The following VTCN1 variants were observed in gnomAD, a reference collection of about 807,000 sequenced individuals.
VTCN1 encodes V-set domain-containing T-cell activation inhibitor 1.
In VTCN1, 26 loss-of-function variants were observed where a neutral mutation model predicts 26.5. The observed-to-expected ratio is 0.98, with a 90% CI of 0.72 to 1.36. VTCN1 has a LOEUF of 1.36. Ranked by LOEUF, VTCN1 falls within the 40% of genes most tolerant of loss-of-function variation. The pLI is 0.00. For synonymous variants in VTCN1, 116 were observed against 130.7 expected (o/e 0.89, Z 0.77); for missense variants, 298 against 337.7 (o/e 0.88, Z 0.92).
chr1:117,203,824 C>T, intron 1 of VTCN1: 1 of 977,476 alleles, frequency 1.0e-6, no homozygotes, highest in African/African-American at 1.7e-5. Context: ...CTTGTTACGC[C>T]ACAGATTACC....
intron 1 of VTCN1, among the ~76,000 whole-genome samples, chr1:117,184,707 T>C (rs1345618857): frequency 6.6e-6 from 1 of 152,166 alleles, no homozygotes; most frequent in East Asian, 1.9e-4. Flanking sequence ...GTTGGGAGGA[T>C]AGTGCCTGGC....
intron 1 of VTCN1, among the ~76,000 whole-genome samples, chr1:117,208,764 A>G (rs1382828245): frequency 6.6e-6 from 1 of 152,190 alleles, no homozygotes; most frequent in Non-Finnish European, 1.5e-5. Context: ...GCACATCAGC[A>G]TTCCATCCCT....
chr1:117,191,419 C>A (rs1348755546), intron 1 of VTCN1, among the ~76,000 whole-genome samples: 1 of 152,110 alleles, frequency 6.6e-6, no homozygotes, highest in African/African-American at 2.4e-5. Context: ...TTTCGGAGGC[C>A]AAGGTGGGAG....
At position 117,147,605 on chromosome 1, in the gene VTCN1, A is replaced by G. The variant is rs983464217; in HGVS notation, c.*45+8T>C. The G allele has an allele frequency of 2.5e-6, 4 of 1,602,184 alleles. No homozygotes were observed. The African/African-American group carries it at 5.4e-5, about 22-fold the overall frequency. ...CCAATATCCCACACTATTTGTGATT[A>G]ATCTCACCTGTTGTAACAATGACTT... is the stretch of plus-strand genomic sequence containing the variant. On this transcript the variant is annotated splice_region_variant and intron_variant, in intron 5 of 5. Coordinates refer to ENST00000369458, the MANE Select transcript of VTCN1 (RefSeq NM_024626.4). The surrounding 1 kb of genome is among the most constrained non-coding windows in gnomAD (Gnocchi z 4.6).
intron 2 of VTCN1, among the ~76,000 whole-genome samples, chr1:117,168,013 C>A (rs58756554): frequency 0.022 from 3,311 of 151,178 alleles, 119 homozygotes; most frequent in African/African-American, 0.076. Flanking sequence ...AGAAAAAAAA[C>A]CGAAATTATG....
chr1:117,150,392 A>G (rs545208988), intron 4 of VTCN1, among the ~76,000 whole-genome samples: 3 of 152,324 alleles, frequency 2.0e-5, no homozygotes. Flanking sequence ...AATGGGATTT[A>G]AGTTCCTGGT....
intron 2 of VTCN1, among the ~76,000 whole-genome samples, chr1:117,165,909 G>A (rs1652582515): frequency 6.6e-6 from 1 of 152,096 alleles, no homozygotes; most frequent in African/African-American, 2.4e-5. Context: ...AAAGGTTATA[G>A]TCCTTTTAAT....
At position 117,167,752 on chromosome 1, in the gene VTCN1, G is replaced by T. The variant is rs1424428554; in HGVS notation, c.97+2355C>A. On this transcript the variant is annotated intron_variant, in intron 2 of 5. Coordinates refer to ENST00000369458, the MANE Select transcript of VTCN1 (RefSeq NM_024626.4). The surrounding 1 kb of genome is among the most constrained non-coding windows in gnomAD (Gnocchi z 4.1). ...CACTCCTTGTGAGCTGCTTTATTTTGAGACAGTAGAAAAAGAATTGAAAGA... is the reference window on the plus strand; with the variant it reads ...CACTCCTTGTGAGCTGCTTTATTTTTAGACAGTAGAAAAAGAATTGAAAGA... 6.6e-6 allele frequency among the ~76,000 whole-genome samples: 1 copy of T among 152,114 alleles called. No homozygotes were observed. The highest frequency in any genetic ancestry group is 2.4e-5 in the African/African-American group (1 of 41,410).
intron 1 of VTCN1, among the ~76,000 whole-genome samples, chr1:117,187,467 C>T (rs1648006989): frequency 6.6e-6 from 1 of 152,120 alleles, no homozygotes; most frequent in Non-Finnish European, 1.5e-5. Flanking sequence ...ATACAGGATC[C>T]TGTCAGTGCA....
rs1269045478 is a variant in VTCN1 at position 117,169,860 on chromosome 1, A to C, written c.97+247T>G. On this transcript the variant is annotated intron_variant, in intron 2 of 5. Transcript: ENST00000369458. The surrounding 1 kb of genome is among the most constrained non-coding windows in gnomAD (Gnocchi z 4.0). ...CAGTAAGCTGAGATCATGCCACTGC[A>C]CTCCAACCTGGGCAACAGAGCCAGA... is the stretch of plus-strand genomic sequence containing the variant. Among the ~76,000 whole-genome samples, 3 of 152,180 alleles carry C rather than the reference A, an allele frequency of 2.0e-5. No individual in the cohort carries two copies. The highest frequency in any genetic ancestry group is 1.5e-5 in the Non-Finnish European group (1 of 68,030).
chr1:117,181,482 C>A (rs759000483), intron 1 of VTCN1, among the ~76,000 whole-genome samples: 2 of 152,196 alleles, frequency 1.3e-5, no homozygotes, highest in Non-Finnish European at 2.9e-5. Flanking sequence ...CTGTTCACTG[C>A]CCAGTTGCTC....
chr1:117,150,066 T>C (rs1428035493), intron 4 of VTCN1, among the ~76,000 whole-genome samples: 1 of 152,246 alleles, frequency 6.6e-6, no homozygotes, highest in Non-Finnish European at 1.5e-5. Flanking sequence ...TGGAGCTTTT[T>C]ACTGGGAACT....
chr1:117,166,190 G>C (rs1324157416), intron 2 of VTCN1, among the ~76,000 whole-genome samples: 1 of 152,188 alleles, frequency 6.6e-6, no homozygotes, highest in Non-Finnish European at 1.5e-5. Context: ...CAGTTCTTGA[G>C]GTGGCTGTCG....
At chr1:117,194,497 G>C (rs1471653132) in intron 1 of VTCN1, among the ~76,000 whole-genome samples, 1 of 152,172 alleles carries the variant, frequency 6.6e-6, no homozygotes. Context: ...ACTACCATAT[G>C]ATCTGTCAAT....
At position 117,155,774 on chromosome 1, in the gene VTCN1, T is replaced by G. The variant is rs978857537; in HGVS notation, c.445+800A>C. ...GCTGGAAAGGCCCGGTTTCTGCCTA[T>G]CCTTCAAGGCTCCCCTCAAATGCCA... On this transcript the variant is annotated intron_variant, in intron 3 of 5. Coordinates refer to ENST00000369458, the MANE Select transcript of VTCN1 (RefSeq NM_024626.4). This position sits in a 1 kb window ranked among gnomAD's most constrained non-coding sequence, Gnocchi z 4.8. 2.0e-5 allele frequency among the ~76,000 whole-genome samples: 3 copies of G among 152,210 alleles called. No homozygotes were observed.
At chr1:117,191,449 T>A (rs1369955826) in intron 1 of VTCN1, among the ~76,000 whole-genome samples, 1 of 151,906 alleles carries the variant, frequency 6.6e-6, no homozygotes, top group Non-Finnish European at 1.5e-5. Context: ...CAGCCAGGAG[T>A]TTGAGACCAG....
At position 117,151,271 on chromosome 1, in the gene VTCN1, T is replaced by C. The variant is rs185258380; in HGVS notation, c.724+1820A>G. 1.3e-4 allele frequency among the ~76,000 whole-genome samples: 20 copies of C among 152,090 alleles called. No homozygotes were observed. The East Asian group carries it at 3.9e-3, about 29-fold the overall frequency. ...GTCCGGAGTTTGTTCCTTCAGATGT[T>C]CAGATATGGTGCATCTGGAGTTGTT... On this transcript the variant is annotated intron_variant, in intron 4 of 5. Coordinates refer to ENST00000369458, the MANE Select transcript of VTCN1 (RefSeq NM_024626.4).
chr1:117,159,822 T>C lies in VTCN1; in HGVS notation c.98-2901A>G, dbSNP rs114223476. ...TTGATCAAGTTTACAGTGCTAGCTA[T>C]AGCATAATGAAGAACTGTATTTAAT... On this transcript the variant is annotated intron_variant, in intron 2 of 5. Transcript: ENST00000369458. The surrounding 1 kb of genome is among the most constrained non-coding windows in gnomAD (Gnocchi z 4.7). Among the ~76,000 whole-genome samples the C allele has an allele frequency of 4.8e-3, 731 of 152,356 alleles. 4 individuals carry two copies. The highest frequency in any genetic ancestry group is 0.017 in the African/African-American group (710 of 41,574).
intron 1 of VTCN1, among the ~76,000 whole-genome samples, chr1:117,190,739 A>T (rs1185238960): frequency 6.6e-6 from 1 of 152,218 alleles, no homozygotes; most frequent in Non-Finnish European, 1.5e-5. Flanking sequence ...TCCTGGAGGC[A>T]ATACCATCAC....
Sources: allele counts gnomAD v4.1 joint callset (sites outside exome capture counted in the v4.1 genomes callset), GRCh38; gene constraint gnomAD v4.1.1; non-coding constraint Gnocchi (gnomAD v3.1); transcripts MANE v1.5; gene names NCBI Gene and HGNC (gene_info 2026-07-23, HGNC 2026-07-21).